The following MARK3 variants were observed in gnomAD, a reference collection of about 807,000 sequenced individuals.
The protein encoded by MARK3 is microtubule affinity regulating kinase 3.
A neutral mutation model predicts 90.1 loss-of-function variants in MARK3; 46 were observed. The ratio of observed to expected loss-of-function variants is 0.51; its 90% CI spans 0.40 to 0.65. The LOEUF (loss-of-function observed/expected upper bound fraction) is 0.65, where lower values mean the gene tolerates loss of function less well. MARK3 is among the 30% of genes least tolerant of loss of function. The probability of loss-of-function intolerance (pLI) is 0.00; values close to 1 mark genes in which losing one functional copy is unlikely to be tolerated. For synonymous variants in MARK3, 321 were observed against 332.6 expected (o/e 0.97, Z 0.38); for missense variants, 818 against 947.2 (o/e 0.86, Z 1.79).
chr14:103,401,845 A>G (rs1025512815), intron 1 of MARK3, among the ~76,000 whole-genome samples: 1 of 152,222 alleles, frequency 6.6e-6, no homozygotes, highest in Non-Finnish European at 1.5e-5. Flanking sequence ...TTCTGATGAG[A>G]TGCAGGGAGA....
intron 3 of MARK3, among the ~76,000 whole-genome samples, chr14:103,443,025 A>G (rs1189941987): frequency 6.7e-6 from 1 of 148,820 alleles, no homozygotes; most frequent in Non-Finnish European, 1.5e-5. Flanking sequence ...GGGAAGGGAG[A>G]GAAAACACAG....
chr14:103,387,794 AT>A (rs2089928220), intron 1 of MARK3, among the ~76,000 whole-genome samples: 1 of 152,048 alleles, frequency 6.6e-6, no homozygotes, highest in Non-Finnish European at 1.5e-5. Flanking sequence ...TGCCCAACTG[AT>A]TAGTTTTGAT....
chr14:103,450,813 A>T (rs1464706360), intron 4 of MARK3, among the ~76,000 whole-genome samples: 2 of 151,708 alleles, frequency 1.3e-5, no homozygotes, highest in Admixed American at 6.6e-5. Flanking sequence ...TTAACATAAT[A>T]AAGTAGATAT....
chr14:103,453,312 A>G (rs1459487083), intron 5 of MARK3, among the ~76,000 whole-genome samples: 1 of 152,226 alleles, frequency 6.6e-6, no homozygotes, highest in African/African-American at 2.4e-5. Flanking sequence ...TGCCTGGCAC[A>G]CAGCAGATAC....
chr14:103,396,541 A>G (rs535946559), intron 1 of MARK3, among the ~76,000 whole-genome samples: 1 of 152,280 alleles, frequency 6.6e-6, no homozygotes, highest in Admixed American at 6.5e-5. Flanking sequence ...ACATATGTCA[A>G]TACATGTCTT....
chr14:103,405,160 T>C lies in MARK3; in HGVS notation c.136T>C (p.Cys46Arg). ...GARCRNSIAS[C>R]ADEQPHIGNY... is the part of the protein sequence containing the mutation. ...TCGGTGTAGAAACTCTATAGCCTCC[T>C]GTGCAGATGAACAACCTCACATCGG... Residue 46 changes from cysteine (C) to arginine (R), a missense_variant, in exon 2 of 18, where the codon TGT becomes CGT. Physicochemically the swap from Cys to Arg is radical, Grantham distance 180. Coordinates refer to ENST00000429436, the MANE Select transcript of MARK3 (RefSeq NM_001128918.3). The C allele has an allele frequency of 1.2e-6, 2 of 1,606,284 alleles. No homozygotes were observed.
chr14:103,481,666 C>G (rs2093821010), intron 14 of MARK3, among the ~76,000 whole-genome samples: 1 of 147,130 alleles, frequency 6.8e-6, no homozygotes, highest in South Asian at 2.2e-4. Context: ...TGTGTTTCAA[C>G]ATTGTCTTTT....
intron 2 of MARK3, among the ~76,000 whole-genome samples, chr14:103,417,122 A>G (rs891594393): frequency 6.6e-6 from 1 of 152,236 alleles, no homozygotes; most frequent in African/African-American, 2.4e-5. Flanking sequence ...TCAGTTGCCC[A>G]GCTGCAGGCA....
At chr14:103,481,249 C>G (rs1216267029) in intron 14 of MARK3, among the ~76,000 whole-genome samples, 2 of 152,136 alleles carry the variant, frequency 1.3e-5, no homozygotes, top group Non-Finnish European at 2.9e-5. Flanking sequence ...ATATTCTGTT[C>G]AGAACAAATT....
At chr14:103,434,714 A>G (rs1236033961) in intron 3 of MARK3, among the ~76,000 whole-genome samples, 2 of 152,208 alleles carry the variant, frequency 1.3e-5, no homozygotes, top group African/African-American at 4.8e-5. Context: ...CTCATTCTTC[A>G]TTGGCAAGTT....
chr14:103,493,382 T>C lies in MARK3; in HGVS notation c.1844+1348T>C, dbSNP rs969656174. Among the ~76,000 whole-genome samples the C allele has an allele frequency of 3.3e-5, 5 of 151,222 alleles. No homozygotes were observed. The Admixed American group carries it at 3.3e-4, about 10-fold the overall frequency. On this transcript the variant is annotated intron_variant, in intron 15 of 17. Transcript: ENST00000429436. Reference sequence around the variant, plus strand: ...ATCTCTGACATCCATTAGCATTAACTAGAAGTCAGACGCATCAGAAGGTTT... The same window carrying C: ...ATCTCTGACATCCATTAGCATTAACCAGAAGTCAGACGCATCAGAAGGTTT...
At chr14:103,455,825 T>A (rs2093266224) in intron 5 of MARK3, among the ~76,000 whole-genome samples, 1 of 152,026 alleles carries the variant, frequency 6.6e-6, no homozygotes, top group Non-Finnish European at 1.5e-5. Flanking sequence ...TTAGGGTTAA[T>A]AAGAGTTTCA....
rs74245801 is a variant in MARK3 at position 103,410,450 on chromosome 14, G to A, written c.243+5183G>A. On this transcript the variant is annotated intron_variant, in intron 2 of 17. Transcript: ENST00000429436. ...CATAGCACGTATGGACAAAAAAAGG[G>A]TGTAGAGAAAACCAGAAGTTGCTTT... Among the ~76,000 whole-genome samples, 3 of 152,214 alleles carry A rather than the reference G, an allele frequency of 2.0e-5. No homozygotes were observed. In the East Asian group the frequency reaches 5.8e-4, roughly 29 times the overall value.
intron 1 of MARK3, among the ~76,000 whole-genome samples, chr14:103,396,595 T>C (rs1271276544): frequency 6.6e-6 from 1 of 152,188 alleles, no homozygotes; most frequent in Non-Finnish European, 1.5e-5. Context: ...CAAACTAAGA[T>C]TGATAGGCTT....
At chr14:103,496,460 T>G (rs976839069) in intron 15 of MARK3, among the ~76,000 whole-genome samples, 1 of 151,832 alleles carries the variant, frequency 6.6e-6, no homozygotes, top group African/African-American at 2.4e-5. Context: ...TCACCCAGGC[T>G]GGAGTGCAGT....
At chr14:103,413,175 A>G (rs1380871892) in intron 2 of MARK3, among the ~76,000 whole-genome samples, 2 of 152,110 alleles carry the variant, frequency 1.3e-5, no homozygotes, top group African/African-American at 4.8e-5. Context: ...CATCCGGCTA[A>G]TGCCAAATGT....
At chr14:103,470,220 G>A (rs1010707816) in intron 12 of MARK3, among the ~76,000 whole-genome samples, 1 of 151,918 alleles carries the variant, frequency 6.6e-6, no homozygotes, top group Non-Finnish European at 1.5e-5. Context: ...TACTCTTGCT[G>A]TTAGTGTGGT....
chr14:103,487,623 T>C (rs2093952721), intron 14 of MARK3, among the ~76,000 whole-genome samples: 1 of 152,150 alleles, frequency 6.6e-6, no homozygotes, highest in Non-Finnish European at 1.5e-5. Flanking sequence ...TCTTGGCACA[T>C]CTACTGATAC....
intron 2 of MARK3, chr14:103,412,086 T>C (rs1394731442): frequency 4.9e-6 from 3 of 615,050 alleles, no homozygotes; most frequent in East Asian, 3.1e-5. Flanking sequence ...TTGTTTTTTT[T>C]ACTAGTAGCA....
Sources: gnomAD v4.1 joint callset for allele counts (sites outside exome capture counted in the v4.1 genomes callset) on GRCh38, gnomAD v4.1.1 for gene constraint, MANE v1.5 for transcripts, NCBI Gene and HGNC (gene_info 2026-07-23, HGNC 2026-07-21) for gene names.